PTCHD4: variants seen among roughly 807,000 people sequenced by gnomAD.
The protein encoded by PTCHD4 is patched domain containing 4.
A neutral mutation model predicts 58.1 loss-of-function variants in PTCHD4; 33 were observed. The ratio of observed to expected loss-of-function variants is 0.57; its 90% CI spans 0.43 to 0.76. The LOEUF is 0.76. Among genes scored for constraint, PTCHD4 ranks in the 30% least tolerant of loss-of-function variants. The pLI is 0.00. For synonymous variants in PTCHD4, 478 were observed against 409.6 expected (o/e 1.17, Z -2.02); for missense variants, 1,058 against 1,027.1 (o/e 1.03, Z -0.41).
At chr6:48,062,403 T>G (rs892050324) in intron 3 of PTCHD4, among the ~76,000 whole-genome samples, 3 of 152,064 alleles carry the variant, frequency 2.0e-5, no homozygotes, top group Non-Finnish European at 1.5e-5. Flanking sequence ...TATCATCAGA[T>G]AAGCTGAAGA....
chr6:47,933,541 T>G (rs1260710111), intron 4 of PTCHD4, among the ~76,000 whole-genome samples: 1 of 152,228 alleles, frequency 6.6e-6, no homozygotes, highest in Non-Finnish European at 1.5e-5. Flanking sequence ...ACATTTTAAG[T>G]GCTGCAAATT....
intron 4 of PTCHD4, among the ~76,000 whole-genome samples, chr6:47,993,095 T>TTA (rs1768341779): frequency 6.6e-6 from 1 of 152,204 alleles, no homozygotes; most frequent in Admixed American, 6.5e-5. Context: ...GCAGCCTCTT[T>TTA]TATATATATT....
chr6:48,060,156 GT>G (rs1162947498), intron 3 of PTCHD4, among the ~76,000 whole-genome samples: 2 of 152,182 alleles, frequency 1.3e-5, no homozygotes, highest in Non-Finnish European at 2.9e-5. Context: ...AGACACAAAA[GT>G]TTCCTAAATG....
In PTCHD4 at chr6:47,874,887, C is replaced by A. The variant is rs1363805529; in HGVS notation, c.*3416G>T. 1.3e-5 allele frequency among the ~76,000 whole-genome samples: 2 copies of A among 151,770 alleles called. No homozygotes were observed. The highest frequency in any genetic ancestry group is 1.5e-5 in the Non-Finnish European group (1 of 67,824). The stretch of plus-strand genomic sequence containing the variant: ...TTAAGGCTGGTCTAAAGAATCAAAT[C>A]TCTAAGGTATGATTACCTTTAACCA... On this transcript the variant is annotated 3_prime_UTR_variant, in exon 5 of 5. Coordinates refer to ENST00000339488, the MANE Select transcript of PTCHD4 (RefSeq NM_001384253.1).
chr6:48,061,296 G>T (rs1434888331), intron 3 of PTCHD4, among the ~76,000 whole-genome samples: 1 of 152,150 alleles, frequency 6.6e-6, no homozygotes, highest in African/African-American at 2.4e-5. Flanking sequence ...GCTTAAACAG[G>T]TGACAGGCTC....
intron 4 of PTCHD4, among the ~76,000 whole-genome samples, chr6:47,971,335 T>TAA (rs113820804): frequency 1.1e-4 from 17 of 149,772 alleles, no homozygotes; most frequent in Non-Finnish European, 1.6e-4. Flanking sequence ...GATTGCTGAA[T>TAA]AAAAAAAAAA....
intron 4 of PTCHD4, among the ~76,000 whole-genome samples, chr6:47,972,919 A>G (rs1428599967): frequency 2.0e-5 from 3 of 152,106 alleles, no homozygotes; most frequent in Non-Finnish European, 2.9e-5. Flanking sequence ...AATGAATTTT[A>G]TGGCTTGCAA....
At chr6:47,894,801 G>A (rs551102856) in intron 4 of PTCHD4, among the ~76,000 whole-genome samples, 24 of 152,226 alleles carry the variant, frequency 1.6e-4, no homozygotes, top group East Asian at 7.7e-4. Context: ...CATGGACTTC[G>A]TCCTGCTCAT....
At chr6:48,034,450 G>T (rs1263897197) in intron 3 of PTCHD4, among the ~76,000 whole-genome samples, 3 of 152,036 alleles carry the variant, frequency 2.0e-5, no homozygotes, top group South Asian at 4.1e-4. Flanking sequence ...TAGATGTAAA[G>T]GTTGGCAGTT....
intron 4 of PTCHD4, among the ~76,000 whole-genome samples, chr6:47,928,580 T>C (rs749247461): frequency 1.3e-5 from 2 of 152,248 alleles, no homozygotes; most frequent in African/African-American, 2.4e-5. Flanking sequence ...TCTTGAATAA[T>C]GTTACTTCCT....
intron 1 of PTCHD4, among the ~76,000 whole-genome samples, chr6:48,104,057 T>C (rs1445670157): frequency 6.6e-6 from 1 of 152,140 alleles, no homozygotes; most frequent in Non-Finnish European, 1.5e-5. Flanking sequence ...ACTTCCCCAA[T>C]CTAGCAAGGC....
At chr6:48,105,474 C>G (rs1293586285) in intron 1 of PTCHD4, among the ~76,000 whole-genome samples, 1 of 152,148 alleles carries the variant, frequency 6.6e-6, no homozygotes, top group African/African-American at 2.4e-5. Flanking sequence ...ATTTATAGCA[C>G]TAAATACCCA....
rs2114082919 is a variant in PTCHD4 at position 47,873,130 on chromosome 6, G to A, written c.*5173C>T. Among the ~76,000 whole-genome samples the A allele has an allele frequency of 6.6e-6, 1 of 151,666 alleles. No individual in the cohort carries two copies. Among genetic ancestry groups the A allele is most frequent in the South Asian group, 2.1e-4 (1 of 4,816 alleles). ...TCTTCCTTTGTGCTTGGAAATTCAG[G>A]AGCACCTCCCACTGCAAAGATTAGG... On this transcript the variant is annotated 3_prime_UTR_variant, in exon 5 of 5. Transcript: ENST00000339488.
chr6:47,960,601 C>T (rs1462040163), intron 4 of PTCHD4, among the ~76,000 whole-genome samples: 4 of 151,812 alleles, frequency 2.6e-5, no homozygotes, highest in African/African-American at 9.7e-5. Flanking sequence ...AGAATACCAC[C>T]AGGAATAATG....
At chr6:47,985,866 T>C (rs757602912) in intron 4 of PTCHD4, among the ~76,000 whole-genome samples, 61 of 152,040 alleles carry the variant, frequency 4.0e-4, no homozygotes, top group Non-Finnish European at 4.0e-4. Context: ...TTTGACTTGT[T>C]TGGTTTTTCA....
In PTCHD4 at chr6:47,996,620, A is replaced by G. The variant is rs563152968; in HGVS notation, c.898+12014T>C. 3.3e-5 allele frequency among the ~76,000 whole-genome samples: 5 copies of G among 152,316 alleles called. No individual in the cohort carries two copies. In the South Asian group the frequency reaches 8.3e-4, roughly 25 times the overall value. The stretch of plus-strand genomic sequence containing the variant: ...TAATCCTGACCACACAGTCTTGAGA[A>G]TGGTCCTGATGACTACTTTCTTATT... On this transcript the variant is annotated intron_variant, in intron 4 of 4. Transcript: ENST00000339488.
At chr6:47,890,447 C>T (rs191166056) in intron 4 of PTCHD4, among the ~76,000 whole-genome samples, 163 of 152,164 alleles carry the variant, frequency 1.1e-3, no homozygotes, top group African/African-American at 3.6e-3. Flanking sequence ...GACCTCAGGC[C>T]GTTTTTGTAA....
chr6:48,011,089 T>C (rs1762653123), intron 3 of PTCHD4, among the ~76,000 whole-genome samples: 1 of 152,238 alleles, frequency 6.6e-6, no homozygotes, highest in Non-Finnish European at 1.5e-5. Flanking sequence ...TTTGGTTATA[T>C]GCCCAGCAAT....
In PTCHD4 at chr6:47,869,313, G is replaced by A. The variant is rs558810223; in HGVS notation, c.*8990C>T. Among the ~76,000 whole-genome samples, 85 of 151,812 alleles carry A rather than the reference G, an allele frequency of 5.6e-4. 2 individuals are homozygous for A. The South Asian group carries it at 0.017, about 30-fold the overall frequency. On this transcript the variant is annotated 3_prime_UTR_variant, in exon 5 of 5. Coordinates refer to ENST00000339488, the MANE Select transcript of PTCHD4 (RefSeq NM_001384253.1). ...GATGTGCTTTGTGATTAATCTCTGGGTACTACTGAGGAGCCGCTGGCTCAC... is the reference window on the plus strand; with the variant it reads ...GATGTGCTTTGTGATTAATCTCTGGATACTACTGAGGAGCCGCTGGCTCAC...
Sources: gnomAD v4.1 joint callset for allele counts (sites outside exome capture counted in the v4.1 genomes callset) on GRCh38, gnomAD v4.1.1 for gene constraint, MANE v1.5 for transcripts, NCBI Gene and HGNC (gene_info 2026-07-23, HGNC 2026-07-21) for gene names.